Variants in OSBPL1A observed in about 807,000 individuals in gnomAD.
OSBPL1A encodes oxysterol binding protein like 1A.
OSBPL1A carries 80 observed loss-of-function variants against 137.1 expected under a neutral mutation model. The ratio of observed to expected loss-of-function variants is 0.58; its 90% CI spans 0.49 to 0.70. The LOEUF (loss-of-function observed/expected upper bound fraction) is 0.70, where lower values mean the gene tolerates loss of function less well. Among genes scored for constraint, OSBPL1A ranks in the 30% least tolerant of loss-of-function variants. The probability of loss-of-function intolerance (pLI) is 0.00; values close to 1 mark genes in which losing one functional copy is unlikely to be tolerated. For synonymous variants in OSBPL1A, 365 were observed against 389.7 expected (o/e 0.94, Z 0.75); for missense variants, 970 against 1,129.4 (o/e 0.86, Z 2.02).
intron 15 of OSBPL1A, among the ~76,000 whole-genome samples, chr18:24,252,003 A>G (rs2146028642): frequency 6.6e-6 from 1 of 152,332 alleles, no homozygotes; most frequent in Middle Eastern, 3.4e-3. Flanking sequence ...GAGCCTGAAG[A>G]CAGGCTACTT....
At chr18:24,318,944 C>G in intron 7 of OSBPL1A, 135 bp from the exon 8 acceptor site, 1 of 749,114 alleles carries the variant, frequency 1.3e-6, no homozygotes, top group South Asian at 2.0e-5. Flanking sequence ...AAATTACCTA[C>G]CAGAGAGAGG....
chr18:24,378,690 G>T (rs540752866), intron 1 of OSBPL1A, among the ~76,000 whole-genome samples: 1 of 152,312 alleles, frequency 6.6e-6, no homozygotes, highest in South Asian at 2.1e-4. Context: ...GACTGGATGG[G>T]TTTTGAAGGC....
At chr18:24,298,555 C>T (rs566308515) in intron 14 of OSBPL1A, among the ~76,000 whole-genome samples, 28 of 152,168 alleles carry the variant, frequency 1.8e-4, no homozygotes, top group Non-Finnish European at 3.4e-4. Flanking sequence ...CCGTGTTAGC[C>T]AGGATGGTCT....
At chr18:24,193,983 T>A (rs1300054502) in intron 18 of OSBPL1A, among the ~76,000 whole-genome samples, 1 of 152,220 alleles carries the variant, frequency 6.6e-6, no homozygotes, top group African/African-American at 2.4e-5. Context: ...CATAACATCA[T>A]CTCCTATCTT....
rs184587314 is a variant in OSBPL1A at position 24,218,629 on chromosome 18, G to C, written c.1601+6413C>G. Among the ~76,000 whole-genome samples the C allele has an allele frequency of 2.1e-3, 323 of 152,022 alleles. 7 individuals are homozygous for C. The South Asian group carries it at 0.037, about 17-fold the overall frequency. On this transcript the variant is annotated intron_variant, in intron 17 of 27. Coordinates refer to ENST00000319481, the MANE Select transcript of OSBPL1A (RefSeq NM_080597.4). ...TGGCTAATTTTTGTATTTTTTGGTA[G>C]AGACGGGGGTTTCACTATGTTGGCC...
At chr18:24,168,834 G>GA (rs971795128) in intron 24 of OSBPL1A, among the ~76,000 whole-genome samples, 13 of 150,658 alleles carry the variant, frequency 8.6e-5, no homozygotes, top group South Asian at 8.4e-4. Context: ...TCTCCAATGG[G>GA]AAAAAAAAAT....
rs57229701 is a variant in OSBPL1A at position 24,180,461 on chromosome 18, TTGTG to T, written c.1813-630_1813-627del. Among the ~76,000 whole-genome samples, 16 of 150,220 alleles carry T rather than the reference TTGTG, an allele frequency of 1.1e-4. No individual in the cohort carries two copies. The South Asian group carries it at 1.7e-3, about 16-fold the overall frequency. On this transcript the variant is annotated intron_variant, in intron 19 of 27. Transcript: ENST00000319481. ...GTAAGCACAAACATATTTTTCTATT[TTGTG>T]TGTGTGTGTGTGTGTGTGTATGTGT... is the stretch of plus-strand genomic sequence containing the variant.
At chr18:24,250,174 G>GTTTTTTTTTTTTTTTTTTTTTTTTTT (rs1233264916) in intron 15 of OSBPL1A, among the ~76,000 whole-genome samples, 1 of 75,352 alleles carries the variant, frequency 1.3e-5, no homozygotes. Context: ...TTGTTTGTTT[G>GTTTTTTTTTTTTTTTTTTTTTTTTTT]TTTGTTTGTT....
intron 17 of OSBPL1A, among the ~76,000 whole-genome samples, chr18:24,202,941 A>C (rs970347926): frequency 5.9e-5 from 9 of 152,224 alleles, no homozygotes; most frequent in Admixed American, 1.3e-4. Flanking sequence ...ACTAAATTAG[A>C]GGGGGATGGA....
At chr18:24,332,115 T>C (rs2091089175) in intron 7 of OSBPL1A, among the ~76,000 whole-genome samples, 2 of 151,900 alleles carry the variant, frequency 1.3e-5, no homozygotes, top group Non-Finnish European at 2.9e-5. Flanking sequence ...GTGGCTTACA[T>C]CTGTAATCCC....
chr18:24,293,847 C>T (rs2090238654), intron 14 of OSBPL1A, among the ~76,000 whole-genome samples: 1 of 152,062 alleles, frequency 6.6e-6, no homozygotes, highest in South Asian at 2.1e-4. Context: ...AATCCACTGA[C>T]ATTTTGGGAG....
At chr18:24,378,974 C>A (rs1906388973) in intron 1 of OSBPL1A, among the ~76,000 whole-genome samples, 2 of 151,780 alleles carry the variant, frequency 1.3e-5, no homozygotes, top group Admixed American at 6.6e-5. Context: ...AGACCAAAAC[C>A]AAACAGGGAA....
chr18:24,306,443 A>G (rs924101280), intron 13 of OSBPL1A, among the ~76,000 whole-genome samples: 1 of 152,232 alleles, frequency 6.6e-6, no homozygotes, highest in African/African-American at 2.4e-5. Flanking sequence ...CATTTGGTTA[A>G]TTAAGCACAG....
intron 2 of OSBPL1A, among the ~76,000 whole-genome samples, chr18:24,376,303 T>C (rs1252055232): frequency 6.6e-6 from 1 of 152,148 alleles, no homozygotes; most frequent in African/African-American, 2.4e-5. Context: ...ATACAGAGTG[T>C]GGACACAAAG....
chr18:24,390,821 C>T (rs945301802), intron 1 of OSBPL1A, among the ~76,000 whole-genome samples: 1 of 151,560 alleles, frequency 6.6e-6, no homozygotes, highest in African/African-American at 2.4e-5. Context: ...ACTTTTTGGC[C>T]AGGTGCAGTG....
chr18:24,330,384 T>C (rs2091054603), intron 7 of OSBPL1A, among the ~76,000 whole-genome samples: 1 of 152,140 alleles, frequency 6.6e-6, no homozygotes, highest in Non-Finnish European at 1.5e-5. Context: ...TAGATTATAA[T>C]GGTATTGTTA....
chr18:24,252,291 G>T (rs150200239), intron 15 of OSBPL1A, among the ~76,000 whole-genome samples: 1 of 152,140 alleles, frequency 6.6e-6, no homozygotes, highest in East Asian at 1.9e-4. Context: ...ACTCCCAAAG[G>T]TCAAGTATAA....
intron 17 of OSBPL1A, among the ~76,000 whole-genome samples, chr18:24,222,005 A>AT (rs2087909451): frequency 6.6e-6 from 1 of 152,124 alleles, no homozygotes; most frequent in Admixed American, 6.6e-5. Context: ...ATGTCATCAT[A>AT]TTTTTTATTT....
intron 17 of OSBPL1A, among the ~76,000 whole-genome samples, chr18:24,196,419 G>C (rs1386266501): frequency 6.6e-6 from 1 of 152,156 alleles, no homozygotes; most frequent in East Asian, 1.9e-4. Flanking sequence ...CTGCTCCTCT[G>C]TCTTCAGCAT....
Sources: gnomAD v4.1 joint callset for allele counts (sites outside exome capture counted in the v4.1 genomes callset) on GRCh38, gnomAD v4.1.1 for gene constraint, MANE v1.5 for transcripts, NCBI Gene and HGNC (gene_info 2026-07-23, HGNC 2026-07-21) for gene names.